Variants in TNRC6B observed in about 807,000 individuals in gnomAD.
The protein encoded by TNRC6B is trinucleotide repeat-containing gene 6B protein.
In TNRC6B, 52 loss-of-function variants were observed where a neutral mutation model predicts 203.6. The ratio of observed to expected loss-of-function variants is 0.26; its 90% CI spans 0.20 to 0.32. The LOEUF is 0.32. Among genes scored for constraint, TNRC6B ranks in the 10% least tolerant of loss-of-function variants. The pLI is 1.00. For synonymous variants in TNRC6B, 838 were observed against 845.7 expected (o/e 0.99, Z 0.16); for missense variants, 1,923 against 2,286.2 (o/e 0.84, Z 3.24).
At position 40,278,018 on chromosome 22, in the gene TNRC6B, C is replaced by T; in HGVS notation, c.3236C>T (p.Pro1079Leu). The change falls in exon 9 of 23, where the codon CCA becomes CTA. Residue 1079 changes from proline (P) to leucine (L), a missense_variant. By Grantham distance (98) the Pro-to-Leu change is moderately conservative (BLOSUM62 -3). Transcript: ENST00000454349. ...MGLLSQTEDN[P>L]SSKMDLSVGS... ...TTCCAGAGTCAGACTGAAGATAATC[C>T]AAGCAGCAAAATGGATTTGTCTGTA... is the stretch of plus-strand genomic sequence containing the variant. 6.4e-7 allele frequency: 1 copy of T among 1,562,448 alleles called. No individual in the cohort carries two copies. Among genetic ancestry groups the T allele is most frequent in the Non-Finnish European group, 8.7e-7 (1 of 1,151,010 alleles).
chr22:40,264,881 TAAC>T lies in TNRC6B; in HGVS notation c.656_658del (p.Asn219del). On this transcript the variant is annotated inframe_deletion, in exon 5 of 23. Coordinates refer to ENST00000454349, the MANE Select transcript of TNRC6B (RefSeq NM_001162501.2). ...AATCTTCTTCCGAAAACACCACCGA[TAAC>T]AACAGTGCCTCGAACCCTGGCTCTG... is the stretch of plus-strand genomic sequence containing the variant. 1 of 1,613,850 alleles carries T rather than the reference TAAC, an allele frequency of 6.2e-7. No homozygotes were observed. Among genetic ancestry groups the T allele is most frequent in the Non-Finnish European group, 8.5e-7 (1 of 1,179,880 alleles).
intron 3 of TNRC6B, among the ~76,000 whole-genome samples, chr22:40,154,309 C>T (rs1430617045): frequency 1.0e-4 from 15 of 150,742 alleles, no homozygotes; most frequent in Admixed American, 9.9e-4. Flanking sequence ...TAAAAAAATA[C>T]AAAAATCAGC....
intron 21 of TNRC6B, among the ~76,000 whole-genome samples, chr22:40,317,695 T>C (rs898658242): frequency 1.3e-5 from 2 of 152,212 alleles, no homozygotes; most frequent in Non-Finnish European, 2.9e-5. Flanking sequence ...TGGTTTTCTA[T>C]TGGAGGAGCT....
intron 3 of TNRC6B, among the ~76,000 whole-genome samples, chr22:40,131,944 G>T (rs2068548695): frequency 6.6e-6 from 1 of 152,174 alleles, no homozygotes; most frequent in Non-Finnish European, 1.5e-5. Flanking sequence ...CCACTTCAGG[G>T]CTTATTTAAT....
intron 1 of TNRC6B, among the ~76,000 whole-genome samples, chr22:40,199,598 A>G (rs1338730998): frequency 1.3e-5 from 2 of 152,150 alleles, no homozygotes; most frequent in Non-Finnish European, 2.9e-5. Context: ...TCTAAACCGA[A>G]GGAGACTAAA....
At chr22:40,145,095 A>T (rs989817052) in intron 3 of TNRC6B, among the ~76,000 whole-genome samples, 1 of 133,728 alleles carries the variant, frequency 7.5e-6, no homozygotes, top group African/African-American at 3.3e-5. Flanking sequence ...AAATTTTTTT[A>T]ATTAGCTGGG....
chr22:40,145,731 AC>A (rs1277962360), intron 3 of TNRC6B, among the ~76,000 whole-genome samples: 1 of 152,104 alleles, frequency 6.6e-6, no homozygotes, highest in Admixed American at 6.6e-5. Flanking sequence ...AGTCCCAGCT[AC>A]TTGGGAGGCT....
chr22:40,090,402 T>C (rs78970923), intron 1 of TNRC6B, among the ~76,000 whole-genome samples: 2 of 84,926 alleles, frequency 2.4e-5, no homozygotes, highest in Non-Finnish European at 4.9e-5. Flanking sequence ...CATCTCATTG[T>C]TTTTTTTTTT....
At chr22:40,188,382 A>C (rs1049585771) in intron 1 of TNRC6B, among the ~76,000 whole-genome samples, 1 of 152,214 alleles carries the variant, frequency 6.6e-6, no homozygotes, top group East Asian at 1.9e-4. Flanking sequence ...GATATCAGCT[A>C]TTCAGTCTTG....
chr22:40,331,531 A>G lies in TNRC6B; in HGVS notation c.*8290A>G. 2 of 373,204 alleles carry G rather than the reference A, an allele frequency of 5.4e-6. No individual in the cohort carries two copies. 23.1% of individuals were successfully genotyped at this position (373,204 alleles called of 1,614,324 possible). The stretch of plus-strand genomic sequence containing the variant: ...TTCCTTCAGCTTCATTCAGGAAGAC[A>G]CAGGGAGGAGAGATGCTGCTTCTGC... On this transcript the variant is annotated 3_prime_UTR_variant, in exon 23 of 23. Transcript: ENST00000454349.
rs902237374 is a variant in TNRC6B at position 40,330,014 on chromosome 22, C to G, written c.*6773C>G. 6.6e-6 allele frequency: 1 copy of G among 152,122 alleles called. No individual in the cohort carries two copies. Among genetic ancestry groups the G allele is most frequent in the Non-Finnish European group, 1.5e-5 (1 of 68,016 alleles). 9.4% of individuals were successfully genotyped at this position (152,122 alleles called of 1,614,324 possible). ...ATCTTGTTCATGGGAGGGGAAAGAT[C>G]AGATAAATAGGCAAGAAGTACTCTG... On this transcript the variant is annotated 3_prime_UTR_variant, in exon 23 of 23. Transcript: ENST00000454349.
rs1253885832 is a variant in TNRC6B at position 40,301,350 on chromosome 22, G to A, written c.4120+17G>A. On this transcript the variant is annotated intron_variant, in intron 15 of 22. Transcript: ENST00000454349. ...ATGGTTCTGGTAAGTTGTTGGTAGA[G>A]AAAATTACCTTTTTAGAAATCTACC... 1 of 1,600,104 alleles carries A rather than the reference G, an allele frequency of 6.2e-7. No individual in the cohort carries two copies. Among genetic ancestry groups the A allele is most frequent in the Non-Finnish European group, 8.5e-7 (1 of 1,172,280 alleles).
intron 1 of TNRC6B, among the ~76,000 whole-genome samples, chr22:40,077,626 AG>A (rs2068028471): frequency 6.6e-6 from 1 of 152,204 alleles, no homozygotes; most frequent in Non-Finnish European, 1.5e-5. Flanking sequence ...ACTTGAATAC[AG>A]GTATCTTTAA....
chr22:40,154,860 A>AAAAT lies in TNRC6B; in HGVS notation c.46-1254_46-1253insAATA, dbSNP rs1555885936. Among the ~76,000 whole-genome samples, 228 of 23,562 alleles carry AAAAT rather than the reference A, an allele frequency of 9.7e-3. 2 individuals carry two copies. The highest frequency in any genetic ancestry group is 0.025 in the Middle Eastern group (1 of 40). 15.5% of individuals were successfully genotyped at this position (23,562 alleles called of 152,430 possible). On this transcript the variant is annotated intron_variant, in intron 3 of 23. Transcript: ENST00000301923. The stretch of plus-strand genomic sequence containing the variant: ...TATCTCAAAAAAAAAAAAAAAAAAA[A>AAAAT]ATATATATATATATATATATATATA...
At chr22:40,220,195 T>C (rs1159421039) in intron 1 of TNRC6B, among the ~76,000 whole-genome samples, 1 of 152,182 alleles carries the variant, frequency 6.6e-6, no homozygotes, top group African/African-American at 2.4e-5. Flanking sequence ...TACTGCTTAC[T>C]CTGGGCTTAT....
At chr22:40,238,387 GTC>G (rs1336592587) in intron 1 of TNRC6B, among the ~76,000 whole-genome samples, 14 of 152,180 alleles carry the variant, frequency 9.2e-5, no homozygotes, top group Non-Finnish European at 1.8e-4. Context: ...GTGTTCACCA[GTC>G]GCAATTTGAT....
chr22:40,128,355 T>C (rs1601829055), intron 3 of TNRC6B, among the ~76,000 whole-genome samples: 1 of 152,366 alleles, frequency 6.6e-6, no homozygotes, highest in East Asian at 1.9e-4. Context: ...TTTGTCATTT[T>C]GCTGTGGTTA....
intron 3 of TNRC6B, among the ~76,000 whole-genome samples, chr22:40,255,431 A>C (rs529174495): frequency 8.9e-4 from 136 of 152,120 alleles, no homozygotes; most frequent in Non-Finnish European, 1.0e-3. Context: ...CCTTGAGTCT[A>C]CTCTCATTTA....
At chr22:40,085,356 A>C (rs1353502427) in intron 1 of TNRC6B, among the ~76,000 whole-genome samples, 1 of 152,206 alleles carries the variant, frequency 6.6e-6, no homozygotes, top group Non-Finnish European at 1.5e-5. Context: ...AGACTTTAAA[A>C]ATTTGTTTTA....
Sources: allele counts gnomAD v4.1 joint callset (sites outside exome capture counted in the v4.1 genomes callset), GRCh38; gene constraint gnomAD v4.1.1; transcripts MANE v1.5; gene names NCBI Gene and HGNC (gene_info 2026-07-23, HGNC 2026-07-21).